Variants in ERBB4 observed in about 807,000 individuals in gnomAD.
ERBB4 encodes erb-b2 receptor tyrosine kinase 4.
In ERBB4, 42 loss-of-function variants were observed where a neutral mutation model predicts 158.0. The ratio of observed to expected loss-of-function variants is 0.27; its 90% confidence interval spans 0.21 to 0.34. ERBB4 has a LOEUF of 0.34. ERBB4 is among the 10% of genes least tolerant of loss of function. The pLI, the probability that ERBB4 is intolerant of heterozygous loss-of-function variation, is 1.00. For synonymous variants in ERBB4, 583 were observed against 558.7 expected (o/e 1.04, Z -0.61); for missense variants, 1,333 against 1,624.1 (o/e 0.82, Z 3.08).
intron 19 of ERBB4, among the ~76,000 whole-genome samples, chr2:211,570,324 G>GTTTTTTTT (rs2067680764): frequency 9.8e-5 from 4 of 40,970 alleles, no homozygotes; most frequent in African/African-American, 3.3e-4. Context: ...GCTAATTTTT[G>GTTTTTTTT]CTTTTTTTTT....
intron 5 of ERBB4, among the ~76,000 whole-genome samples, chr2:211,730,642 T>A (rs1398507603): frequency 1.3e-5 from 2 of 152,052 alleles, no homozygotes; most frequent in East Asian, 1.9e-4. Context: ...GGCCCAAGAC[T>A]TTTTAATAAG....
rs1442997702 is a variant in ERBB4, at chr2:211,382,950, A to C, written c.*665T>G. 1.7e-5 allele frequency: 4 copies of C among 232,714 alleles called. No individual in the cohort carries two copies. In the East Asian group the frequency reaches 2.4e-4, roughly 14 times the overall value. 14.4% of individuals were successfully genotyped at this position (232,714 alleles called of 1,614,324 possible). A position where few individuals can be genotyped will look rare whatever the true frequency, so the allele number is the denominator to read the frequency against. On this transcript the variant is annotated 3_prime_UTR_variant, in exon 28 of 28. Transcript: ENST00000342788. ...GGGAGCAAATATAAAGGAATCGGTC[A>C]GAGCAAAACAAAATGAAAAAAACCA...
At chr2:212,203,874 C>G (rs1438762144) in intron 1 of ERBB4, among the ~76,000 whole-genome samples, 1 of 152,272 alleles carries the variant, frequency 6.6e-6, no homozygotes, top group Admixed American at 6.5e-5. Flanking sequence ...AATGAAGATA[C>G]TCTTTTTAAC....
chr2:211,413,972 C>A (rs986593570), intron 25 of ERBB4, among the ~76,000 whole-genome samples: 4 of 151,794 alleles, frequency 2.6e-5, no homozygotes, highest in African/African-American at 7.3e-5. Flanking sequence ...GGTGGTTCCA[C>A]CCCATTCCCC....
At chr2:212,073,221 T>C (rs942644990) in intron 2 of ERBB4, among the ~76,000 whole-genome samples, 1 of 151,970 alleles carries the variant, frequency 6.6e-6, no homozygotes, top group Non-Finnish European at 1.5e-5. Flanking sequence ...CAAGTCTATA[T>C]GAAAGATACT....
At chr2:211,709,265 A>G (rs2073588209) in intron 9 of ERBB4, among the ~76,000 whole-genome samples, 1 of 143,978 alleles carries the variant, frequency 6.9e-6, no homozygotes, top group South Asian at 2.1e-4. Flanking sequence ...ATATATATAT[A>G]TATATATATA....
intron 1 of ERBB4, among the ~76,000 whole-genome samples, chr2:212,502,677 T>C (rs556802884): frequency 2.4e-4 from 37 of 152,322 alleles, no homozygotes; most frequent in Non-Finnish European, 4.6e-4. Flanking sequence ...AACTAAATTC[T>C]AGCCAAGAGA....
intron 1 of ERBB4, among the ~76,000 whole-genome samples, chr2:212,148,444 T>C (rs181577625): frequency 2.0e-5 from 3 of 152,214 alleles, no homozygotes; most frequent in Non-Finnish European, 4.4e-5. Flanking sequence ...GAAAAACATA[T>C]AGGATGGCAT....
chr2:211,867,772 TGTGG>T (rs1458661283), intron 3 of ERBB4, among the ~76,000 whole-genome samples: 2 of 152,204 alleles, frequency 1.3e-5, no homozygotes, highest in African/African-American at 4.8e-5. Flanking sequence ...ACTAAATCTT[TGTGG>T]AACAACTTAA....
intron 2 of ERBB4, among the ~76,000 whole-genome samples, chr2:212,112,562 G>A (rs963262806): frequency 8.5e-5 from 13 of 152,198 alleles, no homozygotes; most frequent in South Asian, 2.1e-4. Flanking sequence ...CAAAGTCCAA[G>A]TGTGTGAAGT....
intron 25 of ERBB4, among the ~76,000 whole-genome samples, chr2:211,415,578 G>A (rs915386946): frequency 3.3e-5 from 5 of 151,994 alleles, no homozygotes; most frequent in African/African-American, 1.2e-4. Context: ...GCAGGAGTTG[G>A]GGCTAAATTT....
At chr2:212,306,438 C>T (rs2086813200) in intron 1 of ERBB4, among the ~76,000 whole-genome samples, 1 of 151,452 alleles carries the variant, frequency 6.6e-6, no homozygotes, top group African/African-American at 2.4e-5. Flanking sequence ...CAGCCATGGA[C>T]ACTCTTTTGC....
intron 1 of ERBB4, among the ~76,000 whole-genome samples, chr2:212,418,549 ATG>A (rs1418880734): frequency 6.6e-6 from 1 of 150,822 alleles, no homozygotes; most frequent in Admixed American, 6.6e-5. Context: ...ATATATATAT[ATG>A]TATATTTGAA....
intron 20 of ERBB4, among the ~76,000 whole-genome samples, chr2:211,517,496 T>C (rs1431479206): frequency 6.6e-6 from 1 of 152,114 alleles, no homozygotes; most frequent in African/African-American, 2.4e-5. Flanking sequence ...TTTGCAGTGT[T>C]ACAAACTAAA....
At chr2:212,104,199 T>C (rs1405617232) in intron 2 of ERBB4, among the ~76,000 whole-genome samples, 4 of 152,066 alleles carry the variant, frequency 2.6e-5, no homozygotes, top group Non-Finnish European at 5.9e-5. Context: ...TTGATTGATT[T>C]CCCATTGCAC....
chr2:211,487,852 G>A (rs1349949258), intron 20 of ERBB4, among the ~76,000 whole-genome samples: 1 of 152,054 alleles, frequency 6.6e-6, no homozygotes, highest in Non-Finnish European at 1.5e-5. Flanking sequence ...TAATTAGCTG[G>A]TGTAATGAAG....
chr2:211,497,022 C>T (rs918584612), intron 20 of ERBB4, among the ~76,000 whole-genome samples: 1 of 152,022 alleles, frequency 6.6e-6, no homozygotes, highest in Non-Finnish European at 1.5e-5. Context: ...TGCTGTGTAC[C>T]CCCAGTATGT....
chr2:211,754,407 C>CTTTTTTTT lies in ERBB4; in HGVS notation c.557-3711_557-3704dup, dbSNP rs59474280. 4.2e-3 allele frequency among the ~76,000 whole-genome samples: 586 copies of CTTTTTTTT among 138,012 alleles called. 12 individuals carry two copies. Among genetic ancestry groups the CTTTTTTTT allele is most frequent in the South Asian group, 0.011 (46 of 4,250 alleles). The allele number at this position is 138,012 out of a possible 152,430, so 90.5% of individuals were successfully genotyped here. On this transcript the variant is annotated intron_variant, in intron 4 of 27. Coordinates refer to ENST00000342788, the MANE Select transcript of ERBB4 (RefSeq NM_005235.3). The stretch of plus-strand genomic sequence containing the variant: ...TTCCCATTGATTATTGCAATAATCC[C>CTTTTTTTT]TTTTTTTTTTTTGAGACAGAGTCTC...
At chr2:212,378,807 T>A (rs558986062) in intron 1 of ERBB4, among the ~76,000 whole-genome samples, 1 of 151,930 alleles carries the variant, frequency 6.6e-6, no homozygotes, top group South Asian at 2.1e-4. Context: ...GAGTTAACAA[T>A]TTATAAACTT....
Sources: gnomAD v4.1 joint callset for allele counts (sites outside exome capture counted in the v4.1 genomes callset) on GRCh38, gnomAD v4.1.1 for gene constraint, MANE v1.5 for transcripts, NCBI Gene and HGNC (gene_info 2026-07-23, HGNC 2026-07-21) for gene names.